Variants in BACH2 observed in about 807,000 individuals in gnomAD.
BACH2 encodes the protein transcription regulator protein BACH2.
In BACH2, 5 loss-of-function variants were observed where a neutral mutation model predicts 61.8. The ratio of observed to expected loss-of-function variants is 0.08; its 90% confidence interval spans 0.04 to 0.17. BACH2 has a LOEUF of 0.17. Among genes scored for constraint, BACH2 ranks in the 10% least tolerant of loss-of-function variants. BACH2 has a pLI of 1.00. For synonymous variants in BACH2, 446 were observed against 440.1 expected, an observed-to-expected ratio of 1.01 and a Z score of -0.17; for missense variants, 824 against 1,091.1, an observed-to-expected ratio of 0.76 and a Z score of 3.45.
chr6:90,173,530 T>G (rs981028584), intron 4 of BACH2, among the ~76,000 whole-genome samples: 1 of 152,132 alleles, frequency 6.6e-6, no homozygotes, highest in South Asian at 2.1e-4. Context: ...ACAGCATAAA[T>G]GAATCTCAAA....
chr6:89,981,440 C>A (rs998918403), intron 6 of BACH2, among the ~76,000 whole-genome samples: 1 of 152,020 alleles, frequency 6.6e-6, no homozygotes, highest in Admixed American at 6.6e-5. Context: ...CGCGCCTGGC[C>A]GATTCCTGTT....
chr6:90,089,174 C>A (rs1260501919), intron 4 of BACH2, 65 bp from the exon 5 acceptor site: 1 of 152,182 alleles, frequency 6.6e-6, no homozygotes, highest in Non-Finnish European at 1.5e-5. Flanking sequence ...TTCCCCCTCT[C>A]TCCTGCTATC....
intron 5 of BACH2, among the ~76,000 whole-genome samples, chr6:90,057,124 G>C (rs188812962): frequency 1.3e-5 from 2 of 152,192 alleles, no homozygotes; most frequent in African/African-American, 4.8e-5. Context: ...ACCGAGATCA[G>C]AGCAGAACTG....
chr6:90,092,291 A>AAAAAAAAAAAAAAAAAAAAAT, intron 4 of BACH2, among the ~76,000 whole-genome samples: 5 of 113,824 alleles, frequency 4.4e-5, no homozygotes, highest in African/African-American at 1.8e-4. Context: ...AAAAAAAAAA[A>AAAAAAAAAAAAAAAAAAAAAT]ATATATATAT....
At chr6:90,172,920 G>C (rs1767865932) in intron 4 of BACH2, among the ~76,000 whole-genome samples, 1 of 151,848 alleles carries the variant, frequency 6.6e-6, no homozygotes, top group Non-Finnish European at 1.5e-5. Context: ...AATAACCATG[G>C]CATGTTAGGC....
intron 4 of BACH2, among the ~76,000 whole-genome samples, chr6:90,115,703 C>T (rs538442973): frequency 1.1e-3 from 165 of 151,918 alleles, no homozygotes; most frequent in Non-Finnish European, 2.1e-3. Flanking sequence ...TTCTGCACAG[C>T]AAAATAAATT....
intron 4 of BACH2, among the ~76,000 whole-genome samples, chr6:90,175,103 T>C (rs1767944215): frequency 1.3e-5 from 2 of 152,146 alleles, no homozygotes; most frequent in African/African-American, 4.8e-5. Flanking sequence ...ACATGTTATA[T>C]ATTCCCTTCC....
At chr6:90,111,609 G>A (rs963528709) in intron 4 of BACH2, among the ~76,000 whole-genome samples, 1 of 152,112 alleles carries the variant, frequency 6.6e-6, no homozygotes, top group Admixed American at 6.6e-5. Context: ...AGCAGGTAGG[G>A]TTCTCCTCAT....
intron 3 of BACH2, among the ~76,000 whole-genome samples, chr6:90,234,037 C>T (rs9451369): frequency 0.033 from 5,001 of 152,248 alleles, 282 homozygotes; most frequent in African/African-American, 0.11. Context: ...ACTGGCAGAG[C>T]CACAGGATGA....
intron 4 of BACH2, 43 bp downstream of exon 4, chr6:90,206,526 C>T (rs1350443963): frequency 1.3e-5 from 2 of 152,284 alleles, no homozygotes; most frequent in African/African-American, 2.4e-5. Flanking sequence ...ATCATGGTAC[C>T]GTAAAGGAAA....
intron 4 of BACH2, among the ~76,000 whole-genome samples, chr6:90,204,219 T>G (rs1769059535): frequency 6.6e-6 from 1 of 152,156 alleles, no homozygotes; most frequent in Non-Finnish European, 1.5e-5. Flanking sequence ...TTACAGTGTG[T>G]GTCTGAGGAA....
chr6:90,026,298 C>T (rs983749888), intron 5 of BACH2, among the ~76,000 whole-genome samples: 41 of 152,046 alleles, frequency 2.7e-4, no homozygotes, highest in Admixed American at 3.3e-4. Context: ...AAGAGGAGAA[C>T]GCTATCAAAG....
chr6:89,979,833 T>C (rs1371732090), intron 6 of BACH2, among the ~76,000 whole-genome samples: 1 of 152,204 alleles, frequency 6.6e-6, no homozygotes, highest in Non-Finnish European at 1.5e-5. Flanking sequence ...ACTTTTGAAA[T>C]GTAATTTATC....
intron 4 of BACH2, among the ~76,000 whole-genome samples, chr6:90,095,967 C>A (rs968055156): frequency 2.6e-5 from 4 of 152,166 alleles, no homozygotes; most frequent in African/African-American, 7.2e-5. Context: ...CAATCTGAAT[C>A]CAAGCTGGCC....
At chr6:90,057,144 G>C (rs1780401543) in intron 5 of BACH2, among the ~76,000 whole-genome samples, 2 of 152,104 alleles carry the variant, frequency 1.3e-5, no homozygotes, top group Non-Finnish European at 2.9e-5. Context: ...GAAGGAAATA[G>C]AGACACAAAA....
intron 4 of BACH2, among the ~76,000 whole-genome samples, chr6:90,193,304 G>C (rs1443537909): frequency 6.6e-6 from 1 of 152,182 alleles, no homozygotes; most frequent in Admixed American, 6.5e-5. Flanking sequence ...TACTGGAAGA[G>C]AGTGTGCCCC....
chr6:90,273,471 A>G (rs1771594108), intron 1 of BACH2, among the ~76,000 whole-genome samples: 1 of 152,106 alleles, frequency 6.6e-6, no homozygotes, highest in Non-Finnish European at 1.5e-5. Context: ...CACAGTAAGC[A>G]CTCCATTAAG....
chr6:90,085,125 G>T (rs904949847), intron 5 of BACH2, among the ~76,000 whole-genome samples: 1 of 152,126 alleles, frequency 6.6e-6, no homozygotes, highest in Non-Finnish European at 1.5e-5. Flanking sequence ...TCACTAACCT[G>T]TCTGTGACTT....
intron 2 of BACH2, among the ~76,000 whole-genome samples, chr6:90,254,993 T>C (rs919040421): frequency 6.6e-6 from 1 of 152,168 alleles, no homozygotes; most frequent in Non-Finnish European, 1.5e-5. Context: ...TCTCAATCAA[T>C]TGACTTTTTC....
Sources: gnomAD v4.1 joint callset for allele counts (sites outside exome capture counted in the v4.1 genomes callset) on GRCh38, gnomAD v4.1.1 for gene constraint, MANE v1.5 for transcripts, NCBI Gene and HGNC (gene_info 2026-07-23, HGNC 2026-07-21) for gene names.